Variants in TFIP11 observed in about 807,000 individuals in gnomAD.
TFIP11 encodes tuftelin-interacting protein 11.
A neutral mutation model predicts 96.8 loss-of-function variants in TFIP11; 86 were observed. The observed-to-expected ratio is 0.89, with a 90% confidence interval of 0.75 to 1.06. TFIP11 has a LOEUF of 1.06. Ranked by LOEUF, TFIP11 falls within the 50% of genes least tolerant of loss-of-function variation. The pLI is 0.00. For synonymous variants in TFIP11, 405 were observed against 395.2 expected, an observed-to-expected ratio of 1.02 and a Z score of -0.29; for missense variants, 881 against 1,076.7, an observed-to-expected ratio of 0.82 and a Z score of 2.54.
At position 26,495,260 on chromosome 22, in the gene TFIP11, C is replaced by CTTT. The variant is rs150268332; in HGVS notation, c.1850-324_1850-322dup. On this transcript the variant is annotated intron_variant, in intron 12 of 14. Coordinates refer to ENST00000407690, the MANE Select transcript of TFIP11 (RefSeq NM_012143.4). The stretch of plus-strand genomic sequence containing the variant: ...TACAGGCATAAGTCACAACTCCTGG[C>CTTT]TTTTTTTTTTTTTTTTTTTTTTTTT... Among the ~76,000 whole-genome samples the CTTT allele has an allele frequency of 5.7e-3, 339 of 59,210 alleles. 4 individuals are homozygous for CTTT. Among genetic ancestry groups the CTTT allele is most frequent in the Middle Eastern group, 0.019 (1 of 52 alleles). The allele number at this position is 59,210 out of a possible 152,430, so 38.8% of individuals were successfully genotyped here.
At chr22:26,496,363 C>A (rs1232347084) in intron 11 of TFIP11, 47 bp from the exon 12 acceptor site, 2 of 1,549,824 alleles carry the variant, frequency 1.3e-6, no homozygotes, top group South Asian at 1.2e-5. Flanking sequence ...GTGGGGCAGT[C>A]ACATAACACC....
chr22:26,504,644 T>G lies in TFIP11; in HGVS notation c.521-851A>C, dbSNP rs937173085. ...CATGCCATGCCATTGCACTCTACCC[T>G]AGGTAACAGAGTGAGACTTTGTATC... is the stretch of plus-strand genomic sequence containing the variant. On this transcript the variant is annotated intron_variant, in intron 6 of 14. Coordinates refer to ENST00000407690, the MANE Select transcript of TFIP11 (RefSeq NM_012143.4). Among the ~76,000 whole-genome samples, 3 of 152,140 alleles carry G rather than the reference T, an allele frequency of 2.0e-5. No homozygotes were observed. In the East Asian group the frequency reaches 5.8e-4, roughly 29 times the overall value.
At chr22:26,504,033 T>C (rs962943964) in intron 6 of TFIP11, among the ~76,000 whole-genome samples, 1 of 152,176 alleles carries the variant, frequency 6.6e-6, no homozygotes, top group African/African-American at 2.4e-5. Flanking sequence ...CCCAAATAGA[T>C]TTCCATTTCC....
At chr22:26,494,550 T>A (rs1602195490) in intron 13 of TFIP11, 1 of 698,090 alleles carries the variant, frequency 1.4e-6, no homozygotes, top group African/African-American at 1.8e-5. Flanking sequence ...AGGGATACCA[T>A]ATCCCCTACC....
intron 8 of TFIP11, among the ~76,000 whole-genome samples, chr22:26,501,113 C>T (rs1922733652): frequency 6.6e-6 from 1 of 152,062 alleles, no homozygotes; most frequent in Non-Finnish European, 1.5e-5. Flanking sequence ...GATCTCCTGA[C>T]CTTGTGATCT....
rs760598435 is a variant in TFIP11 at position 26,506,814 on chromosome 22, G to A, written c.324C>T (p.Asp108=). ...TTGGTCCAAAATCCTTAGGAAAGTC[G>A]TCCTGCTTAACAGGTTTCTCTTCGT... The part of the protein sequence containing the change: ...SDDEEKPVKQ[D]DFPKDFGPRK... Residue 108 remains aspartate (D), a synonymous_variant, in exon 5 of 15, where the codon GAC becomes GAT. Coordinates refer to ENST00000407690, the MANE Select transcript of TFIP11 (RefSeq NM_012143.4). The A allele has an allele frequency of 3.3e-5, 53 of 1,614,030 alleles. No homozygotes were observed. The highest frequency in any genetic ancestry group is 3.2e-4 in the African/African-American group (24 of 74,898).
intron 2 of TFIP11, chr22:26,511,888 A>G (rs1924108357): frequency 6.6e-6 from 1 of 152,204 alleles, no homozygotes; most frequent in African/African-American, 2.4e-5. Context: ...CATAAAGTTA[A>G]ATAATACCAC....
intron 7 of TFIP11, among the ~76,000 whole-genome samples, chr22:26,502,719 G>A (rs1377418651): frequency 1.3e-5 from 2 of 152,096 alleles, no homozygotes; most frequent in Non-Finnish European, 2.9e-5. Context: ...CTAGACATCT[G>A]GCTACTTTGG....
In TFIP11 at chr22:26,491,273, T is replaced by C. The variant is rs1201999750; in HGVS notation, c.*740A>G. The stretch of plus-strand genomic sequence containing the variant: ...TTCCTTATTTCCTTTATTCTTAGTA[T>C]CACAGTCCATGATATCCACTGTCCT... On this transcript the variant is annotated 3_prime_UTR_variant, in exon 15 of 15. Transcript: ENST00000407690. 1 of 717,460 alleles carries C rather than the reference T, an allele frequency of 1.4e-6. No individual in the cohort carries two copies. Among genetic ancestry groups the C allele is most frequent in the East Asian group, 2.7e-5 (1 of 37,194 alleles). 44.4% of individuals were successfully genotyped at this position (717,460 alleles called of 1,614,324 possible).
rs887824065 is a variant in TFIP11 at position 26,499,576 on chromosome 22, C to G, written c.857G>C (p.Ser286Thr). The G allele has an allele frequency of 2.5e-6, 4 of 1,614,088 alleles. No individual in the cohort carries two copies. The Admixed American group carries it at 5.0e-5, about 20-fold the overall frequency. The change falls in exon 9 of 15, where the codon AGC becomes ACC. Residue 286 changes from serine (S) to threonine (T), a missense_variant. Physicochemically the swap from Ser to Thr is moderately conservative, Grantham distance 58. Transcript: ENST00000407690. ...ATCATCGGGAACGTTGTGCTTGTGG[C>G]TGATCTGACTGTAGCTGTAGTAGAC... ...QKVYYSYSQISHKHNVPDDGL... is the reference protein window; with the variant it reads ...QKVYYSYSQITHKHNVPDDGL...
In TFIP11 at chr22:26,492,238, G is replaced by A. The variant is rs148812134; in HGVS notation, c.2289C>T (p.Gly763=). The change falls in exon 15 of 15, where the codon GGC becomes GGT. Residue 763 remains glycine (G), a synonymous_variant. Coordinates refer to ENST00000407690, the MANE Select transcript of TFIP11 (RefSeq NM_012143.4). The part of the protein sequence containing the change: ...EAENMAQRGI[G]VAASSVPMNF... Reference sequence around the variant, plus strand: ...TCATGGGCACAGAGCTAGCGGCCACGCCAATGCCCCTCTGAGCCATGTTCT... The same window carrying A: ...TCATGGGCACAGAGCTAGCGGCCACACCAATGCCCCTCTGAGCCATGTTCT... The A allele has an allele frequency of 2.0e-4, 330 of 1,614,188 alleles. 3 individuals carry two copies. The African/African-American group carries it at 3.9e-3, about 19-fold the overall frequency.
chr22:26,511,440 A>G (rs1924045779), intron 2 of TFIP11: 2 of 152,228 alleles, frequency 1.3e-5, no homozygotes, highest in African/African-American at 4.8e-5. Flanking sequence ...AATACTTCGT[A>G]TCCTTCAATC....
At chr22:26,508,178 A>G (rs1300878205) in intron 4 of TFIP11, among the ~76,000 whole-genome samples, 1 of 152,210 alleles carries the variant, frequency 6.6e-6, no homozygotes, top group African/African-American at 2.4e-5. Context: ...TAGTAATTCA[A>G]CACCCTCAGG....
intron 4 of TFIP11, among the ~76,000 whole-genome samples, chr22:26,508,431 G>A (rs188147298): frequency 6.6e-6 from 1 of 152,298 alleles, no homozygotes; most frequent in East Asian, 1.9e-4. Flanking sequence ...AGAGATGTTA[G>A]CTATTATTAT....
At chr22:26,502,313 C>T (rs559844897) in intron 7 of TFIP11, among the ~76,000 whole-genome samples, 4 of 152,186 alleles carry the variant, frequency 2.6e-5, no homozygotes, top group South Asian at 2.1e-4. Flanking sequence ...TAAAGATAAA[C>T]GAAACAACAT....
intron 12 of TFIP11, among the ~76,000 whole-genome samples, chr22:26,495,426 C>T (rs1037162747): frequency 8.6e-5 from 13 of 151,576 alleles, no homozygotes; most frequent in South Asian, 2.1e-4. Context: ...GACAGGCGCC[C>T]GCCACCACAC....
Position 26,494,792 on chromosome 22 carries a change from T to A in TFIP11, c.1992+5A>T, listed in dbSNP as rs1285170788. The A allele has an allele frequency of 6.2e-7, 1 of 1,614,114 alleles. No individual in the cohort carries two copies. The highest frequency in any genetic ancestry group is 2.2e-5 in the East Asian group (1 of 44,882). ...CCCCAGAAATCCAAGCAAAACAAAG[T>A]GTACCTGAAGCCACTTGGGGAAGAA... On this transcript the variant is annotated splice_donor_5th_base_variant and intron_variant, in intron 13 of 14. Transcript: ENST00000407690.
At position 26,496,238 on chromosome 22, in the gene TFIP11, G is replaced by A. The variant is rs373604642; in HGVS notation, c.1684C>T (p.Arg562Trp). Residue 562 changes from arginine to tryptophan, a missense_variant, in exon 12 of 15, where the codon CGG becomes TGG. By Grantham distance (101) the Arg-to-Trp change is moderately radical. Transcript: ENST00000407690. ...ATGGGGGAATAGAGTGGCTCCAGCC[G>A]TGCCTGCATAAGGGGCAGCCATGGG... The part of the protein sequence containing the change: ...IHPWLPLMQA[R>W]LEPLYSPIRS... 25 of 1,613,888 alleles carry A rather than the reference G, an allele frequency of 1.5e-5. No individual in the cohort carries two copies. Among genetic ancestry groups the A allele is most frequent in the African/African-American group, 2.7e-5 (2 of 75,004 alleles).
intron 3 of TFIP11, 127 bp downstream of exon 3, chr22:26,510,490 C>T: frequency 3.5e-6 from 2 of 570,440 alleles, no homozygotes; most frequent in Admixed American, 3.0e-5. Context: ...AATACTACTC[C>T]TAACAGTCTA....
Sources: allele counts gnomAD v4.1 joint callset (sites outside exome capture counted in the v4.1 genomes callset), GRCh38; gene constraint gnomAD v4.1.1; transcripts MANE v1.5; gene names NCBI Gene and HGNC (gene_info 2026-07-23, HGNC 2026-07-21).